DYM: variants seen among roughly 807,000 people sequenced by gnomAD.
The protein encoded by DYM is dymeclin, also known as dyggve-Melchior-Clausen syndrome protein.
A neutral mutation model predicts 93.1 loss-of-function variants in DYM; 78 were observed. That is an observed-to-expected ratio of 0.84 (90% CI 0.70 to 1.01). The LOEUF (loss-of-function observed/expected upper bound fraction) is 1.01, where lower values mean the gene tolerates loss of function less well. DYM is among the 50% of genes least tolerant of loss of function. DYM has a pLI of 0.00. For missense variants in DYM, 789 were observed against 845.0 expected, an observed-to-expected ratio of 0.93 and a Z score of 0.82; for synonymous variants, 321 against 319.7, an observed-to-expected ratio of 1.00 and a Z score of -0.04.
At chr18:49,182,452 A>T (rs1568555738) in intron 14 of DYM, among the ~76,000 whole-genome samples, 1 of 152,308 alleles carries the variant, frequency 6.6e-6, no homozygotes, top group East Asian at 1.9e-4. Context: ...TTTTGCTTCA[A>T]ATGTGTATGT....
At chr18:49,072,306 A>C (rs1394929876) in intron 17 of DYM, among the ~76,000 whole-genome samples, 2 of 152,238 alleles carry the variant, frequency 1.3e-5, no homozygotes, top group Non-Finnish European at 2.9e-5. Context: ...GTCATGTTTA[A>C]AGGATTTCAT....
chr18:49,451,804 A>C (rs7232138), intron 1 of DYM, among the ~76,000 whole-genome samples: 1 of 152,152 alleles, frequency 6.6e-6, no homozygotes, highest in African/African-American at 2.4e-5. Context: ...CTTATCATAC[A>C]TTTGTCATTA....
intron 14 of DYM, among the ~76,000 whole-genome samples, chr18:49,196,389 G>A (rs753694504): frequency 6.6e-6 from 1 of 151,906 alleles, no homozygotes; most frequent in Non-Finnish European, 1.5e-5. Flanking sequence ...CAAATATGAA[G>A]CACCTATTGA....
intron 1 of DYM, among the ~76,000 whole-genome samples, chr18:49,433,839 G>T (rs371216066): frequency 3.9e-5 from 6 of 152,150 alleles, no homozygotes; most frequent in African/African-American, 1.4e-4. Flanking sequence ...CTGCAATCCA[G>T]CCTGGGCGAC....
Position 49,037,565 on chromosome 18 carries a change from C to G in DYM, c.*6490G>C, listed in dbSNP as rs1432876980. Among the ~76,000 whole-genome samples the G allele has an allele frequency of 1.3e-5, 2 of 151,358 alleles. No homozygotes were observed. The highest frequency in any genetic ancestry group is 3.0e-5 in the Non-Finnish European group (2 of 67,658). On this transcript the variant is annotated 3_prime_UTR_variant, in exon 18 of 18. Transcript: ENST00000675505. ...TTCTTGTAACAAACCTGAACAGGTA[C>G]TCTTTAAATTTAAAATAAAATTAAA...
rs1476550382 is a variant in DYM, at chr18:49,289,759, A to G, written c.764-3143T>C. Among the ~76,000 whole-genome samples, 7 of 43,384 alleles carry G rather than the reference A, an allele frequency of 1.6e-4. 1 individual carries two copies. The highest frequency in any genetic ancestry group is 7.7e-4 in the South Asian group (1 of 1,306). 28.5% of individuals were successfully genotyped at this position (43,384 alleles called of 152,430 possible). On this transcript the variant is annotated intron_variant, in intron 8 of 17. Transcript: ENST00000675505. ...TATATATATATATATATATATATAT[A>G]TATATATATATATACACATATATAT... is the stretch of plus-strand genomic sequence containing the variant.
intron 8 of DYM, among the ~76,000 whole-genome samples, chr18:49,317,613 CT>C (rs1487590085): frequency 1.3e-4 from 6 of 44,894 alleles, no homozygotes; most frequent in African/African-American, 4.8e-4. Context: ...TCCCCCCTCC[CT>C]CCCTCCCTCC....
At chr18:49,308,450 G>A (rs1267922133) in intron 8 of DYM, among the ~76,000 whole-genome samples, 2 of 152,028 alleles carry the variant, frequency 1.3e-5, no homozygotes, top group African/African-American at 4.8e-5. Flanking sequence ...AGAGACAGAT[G>A]GTATCATGAA....
intron 17 of DYM, among the ~76,000 whole-genome samples, chr18:49,055,776 C>T (rs1269723824): frequency 6.6e-6 from 1 of 152,232 alleles, no homozygotes; most frequent in Admixed American, 6.5e-5. Context: ...AATTCCCTTT[C>T]TTGGACAAAG....
chr18:49,220,342 C>G (rs1404922780), intron 13 of DYM, among the ~76,000 whole-genome samples: 11 of 147,986 alleles, frequency 7.4e-5, no homozygotes, highest in South Asian at 2.2e-4. Flanking sequence ...AGGTAATTTA[C>G]AGATTCAATG....
intron 13 of DYM, among the ~76,000 whole-genome samples, chr18:49,242,952 G>A (rs1240126349): frequency 5.3e-5 from 8 of 152,022 alleles, no homozygotes; most frequent in Non-Finnish European, 1.2e-4. Context: ...CACCCGTCTC[G>A]GCCTCCCAAA....
intron 13 of DYM, among the ~76,000 whole-genome samples, chr18:49,222,401 G>A (rs2093396542): frequency 6.6e-6 from 1 of 152,030 alleles, no homozygotes; most frequent in South Asian, 2.1e-4. Context: ...TGGCTTCTAG[G>A]TCCGAGACAA....
chr18:49,388,358 A>G (rs967131303), intron 3 of DYM, among the ~76,000 whole-genome samples: 1 of 152,008 alleles, frequency 6.6e-6, no homozygotes, highest in African/African-American at 2.4e-5. Flanking sequence ...AAAAAAGGAA[A>G]ACATTAGAAA....
At chr18:49,458,048 A>C (rs973558558) in intron 1 of DYM, among the ~76,000 whole-genome samples, 1 of 152,226 alleles carries the variant, frequency 6.6e-6, no homozygotes. Context: ...TAACCTACAG[A>C]ACTGTAAAAT....
At chr18:49,384,477 T>C (rs575999330) in intron 3 of DYM, among the ~76,000 whole-genome samples, 1 of 151,406 alleles carries the variant, frequency 6.6e-6, no homozygotes, top group African/African-American at 2.4e-5. Flanking sequence ...AATACAAAAA[T>C]CAGCCAGGCA....
chr18:49,445,154 T>C (rs1042562933), intron 1 of DYM, among the ~76,000 whole-genome samples: 4 of 152,220 alleles, frequency 2.6e-5, no homozygotes, highest in Non-Finnish European at 5.9e-5. Flanking sequence ...AGTACTTACA[T>C]AATGAAATAA....
At chr18:49,251,128 G>A (rs943435491) in intron 13 of DYM, among the ~76,000 whole-genome samples, 4 of 152,232 alleles carry the variant, frequency 2.6e-5, no homozygotes, top group African/African-American at 4.8e-5. Context: ...CAAAATCACA[G>A]TGAAGAGCAC....
chr18:49,300,086 AATATAT>A (rs886212991), intron 8 of DYM, among the ~76,000 whole-genome samples: 1 of 136,438 alleles, frequency 7.3e-6, no homozygotes, highest in African/African-American at 2.7e-5. Context: ...TATATATATA[AATATAT>A]ATATAAATAT....
rs1372840040 is a variant in DYM at position 49,391,652 on chromosome 18, A to G, written c.141-7T>C. 2 of 1,611,282 alleles carry G rather than the reference A, an allele frequency of 1.2e-6. No homozygotes were observed. The highest frequency in any genetic ancestry group is 2.2e-5 in the East Asian group (1 of 44,766). On this transcript the variant is annotated splice_polypyrimidine_tract_variant and splice_region_variant and intron_variant, in intron 2 of 17. Coordinates refer to ENST00000675505, the MANE Select transcript of DYM (RefSeq NM_001353214.3). Reference sequence around the variant, plus strand: ...CAAGAGTTTCAACTCACTACTGGAGAGACAGAAGAATAAAGGTAATTAATG... The same window carrying G: ...CAAGAGTTTCAACTCACTACTGGAGGGACAGAAGAATAAAGGTAATTAATG...
Sources: gnomAD v4.1 joint callset for allele counts (sites outside exome capture counted in the v4.1 genomes callset) on GRCh38, gnomAD v4.1.1 for gene constraint, MANE v1.5 for transcripts, NCBI Gene and HGNC (gene_info 2026-07-23, HGNC 2026-07-21) for gene names.